APOO: variants seen among roughly 807,000 people sequenced by gnomAD.
The protein encoded by APOO is MICOS complex subunit MIC26.
In APOO, 11 loss-of-function variants were observed where a neutral mutation model predicts 23.1. The observed-to-expected ratio is 0.48, with a 90% CI of 0.30 to 0.79. The LOEUF (loss-of-function observed/expected upper bound fraction) is 0.79, where lower values mean the gene tolerates loss of function less well. Among genes scored for constraint, APOO ranks in the 30% least tolerant of loss-of-function variants. The pLI is 0.07. For synonymous variants in APOO, 59 were observed against 54.8 expected (o/e 1.08, Z -0.34); for missense variants, 160 against 142.7 (o/e 1.12, Z -0.62).
chrX:23,838,300 G>A (rs1373219132), intron 8 of APOO, among the ~76,000 whole-genome samples: 4 of 82,662 alleles, frequency 4.8e-5, no homozygotes, highest in Non-Finnish European at 8.7e-5. Flanking sequence ...AGAGGCTGCA[G>A]TGAGCAAGAT....
At chrX:23,873,278 TTAAGA>T (rs2147008717) in intron 4 of APOO, among the ~76,000 whole-genome samples, 1 of 111,118 alleles carries the variant, frequency 9.0e-6, no homozygotes, top group African/African-American at 3.3e-5. Context: ...ATTAATAAAA[TTAAGA>T]TGTTACTTAT....
intron 5 of APOO, among the ~76,000 whole-genome samples, chrX:23,862,947 G>T (rs1925150797): frequency 1.1e-5 from 1 of 88,104 alleles, no homozygotes; most frequent in Non-Finnish European, 2.3e-5. Context: ...GGGAGGGCAG[G>T]GAAGGGAGAA....
At chrX:23,870,371 T>TA (rs1394697201) in intron 4 of APOO, among the ~76,000 whole-genome samples, 1 of 111,881 alleles carries the variant, frequency 8.9e-6, no homozygotes, top group African/African-American at 3.3e-5. Context: ...TGTGTTTAAT[T>TA]ATTCAGGTGT....
At chrX:23,899,119 G>A (rs757775519) in intron 1 of APOO, among the ~76,000 whole-genome samples, 1 of 112,088 alleles carries the variant, frequency 8.9e-6, no homozygotes, top group South Asian at 3.7e-4. Context: ...AAACAAAGAA[G>A]TCCTTAAGCG....
chrX:23,902,179 G>A (rs753015435), intron 1 of APOO, among the ~76,000 whole-genome samples: 1 of 111,697 alleles, frequency 9.0e-6, no homozygotes, highest in South Asian at 3.7e-4. Flanking sequence ...TCCCCAGGTG[G>A]CTCTAACATG....
At chrX:23,892,122 C>T (rs1388964125) in intron 1 of APOO, among the ~76,000 whole-genome samples, 1 of 108,921 alleles carries the variant, frequency 9.2e-6, no homozygotes, top group Non-Finnish European at 1.9e-5. Flanking sequence ...TTTGCTCTTT[C>T]ACCCAGGCTG....
At chrX:23,865,649 C>G (rs1244707884) in intron 5 of APOO, among the ~76,000 whole-genome samples, 3 of 108,854 alleles carry the variant, frequency 2.8e-5, no homozygotes, top group African/African-American at 1.0e-4. Flanking sequence ...TCTGCACCCA[C>G]CCACCCTGCT....
At chrX:23,843,638 G>GCCACTGCACTCCTCTGTCACC (rs1924105272) in intron 7 of APOO, among the ~76,000 whole-genome samples, 1 of 93,815 alleles carries the variant, frequency 1.1e-5, no homozygotes, top group Non-Finnish European at 2.1e-5. Context: ...AGGCTGGAGT[G>GCCACTGCACTCCTCTGTCACC]CAGTGGCGCA....
At chrX:23,880,502 C>T (rs979202283) in intron 2 of APOO, among the ~76,000 whole-genome samples, 34 of 110,993 alleles carry the variant, frequency 3.1e-4, no homozygotes, top group Non-Finnish European at 4.9e-4. Flanking sequence ...GAGTTCGAGA[C>T]TAGCCTGGCC....
At position 23,836,927 on chromosome X, in the gene APOO, C is replaced by T. The variant is rs1923708134; in HGVS notation, c.*30-3315G>A. Reference sequence around the variant, plus strand: ...TGGGCTTGAGATACTGAACAAGCAACACCTGGTCTCATCCGAACCCTGCGG... The same window carrying T: ...TGGGCTTGAGATACTGAACAAGCAATACCTGGTCTCATCCGAACCCTGCGG... On this transcript the variant is annotated intron_variant, in intron 8 of 8. Coordinates refer to ENST00000379226, the MANE Select transcript of APOO (RefSeq NM_024122.5). 2.5e-6 allele frequency: 3 copies of T among 1,186,341 alleles called. No individual in the cohort carries two copies. In the Admixed American group the frequency reaches 6.8e-5, roughly 27 times the overall value.
intron 1 of APOO, among the ~76,000 whole-genome samples, chrX:23,884,733 G>A (rs770870662): frequency 7.1e-4 from 79 of 111,563 alleles, no homozygotes; most frequent in African/African-American, 2.3e-3. Flanking sequence ...AATGACTAGA[G>A]TTAACAACAA....
intron 7 of APOO, among the ~76,000 whole-genome samples, chrX:23,855,485 T>G (rs767442472): frequency 5.2e-4 from 58 of 111,791 alleles, no homozygotes; most frequent in Non-Finnish European, 9.6e-4. Context: ...AGCTCAGTTA[T>G]TTATTTTTTT....
Position 23,874,432 on chromosome X carries a change from T to C in APOO, c.263A>G (p.Lys88Arg). The C allele has an allele frequency of 1.7e-6, 2 of 1,210,923 alleles. No homozygotes were observed. Among genetic ancestry groups the C allele is most frequent in the Non-Finnish European group, 2.2e-6 (2 of 894,743 alleles). ...CCCCCATTGAACCAAACTTTGCATCTTGGGCTTAGTTTGGGAGTACGTTTC... is the reference window on the plus strand; with the variant it reads ...CCCCCATTGAACCAAACTTTGCATCCTGGGCTTAGTTTGGGAGTACGTTTC... Reference protein sequence around the residue: ...CQETYSQTKPKMQSLVQWGLD... With the variant: ...CQETYSQTKPRMQSLVQWGLD... The change falls in exon 4 of 9, where the codon AAG becomes AGG. Residue 88 changes from lysine to arginine, a missense_variant. Transcript: ENST00000379226.
intron 8 of APOO, among the ~76,000 whole-genome samples, chrX:23,837,752 C>A (rs1923764189): frequency 9.2e-6 from 1 of 108,844 alleles, no homozygotes; most frequent in African/African-American, 3.3e-5. Flanking sequence ...CTCTTTCTCC[C>A]AGGCTCAGGA....
chrX:23,889,515 T>TA (rs1292187477), intron 1 of APOO, among the ~76,000 whole-genome samples: 1 of 110,873 alleles, frequency 9.0e-6, no homozygotes, highest in East Asian at 2.8e-4. Context: ...CTCTCCCATT[T>TA]AAAAAAAGGG....
intron 1 of APOO, among the ~76,000 whole-genome samples, chrX:23,905,428 A>C (rs917374527): frequency 3.6e-5 from 4 of 109,951 alleles, no homozygotes; most frequent in Non-Finnish European, 7.6e-5. Flanking sequence ...TAATAATAAT[A>C]ATCTCAGCTC....
chrX:23,857,549 G>C (rs896515311), intron 6 of APOO, among the ~76,000 whole-genome samples: 57 of 111,406 alleles, frequency 5.1e-4, no homozygotes, highest in African/African-American at 1.8e-3. Context: ...CCCCAAGCTG[G>C]GGCCACTGGA....
chrX:23,847,662 G>A (rs1601887202), intron 7 of APOO, among the ~76,000 whole-genome samples: 1 of 108,023 alleles, frequency 9.3e-6, no homozygotes, highest in East Asian at 2.9e-4. Flanking sequence ...ACAGGGTCTC[G>A]CTCTGTCACC....
intron 8 of APOO, among the ~76,000 whole-genome samples, chrX:23,838,357 CAAAAAAA>C (rs764414297): frequency 5.0e-5 from 1 of 20,086 alleles, no homozygotes. Flanking sequence ...AACTCTATCT[CAAAAAAA>C]AAAAAAAAAA....
Sources: gnomAD v4.1 joint callset for allele counts (sites outside exome capture counted in the v4.1 genomes callset) on GRCh38, gnomAD v4.1.1 for gene constraint, MANE v1.5 for transcripts, NCBI Gene and HGNC (gene_info 2026-07-23, HGNC 2026-07-21) for gene names.